KLHL13: variants seen among roughly 807,000 people sequenced by gnomAD.
KLHL13 encodes kelch-like protein 13.
A neutral mutation model predicts 37.1 loss-of-function variants in KLHL13; 10 were observed. The observed-to-expected ratio is 0.27, with a 90% CI of 0.17 to 0.46. The LOEUF (loss-of-function observed/expected upper bound fraction) is 0.46, where lower values mean the gene tolerates loss of function less well. Ranked by LOEUF, KLHL13 falls within the 20% of genes least tolerant of loss-of-function variation. KLHL13 has a pLI of 1.00. For missense variants in KLHL13, 360 were observed against 509.3 expected, an observed-to-expected ratio of 0.71 and a Z score of 2.82; for synonymous variants, 163 against 181.2, an observed-to-expected ratio of 0.90 and a Z score of 0.81.
chrX:118,001,175 T>G lies in KLHL13; in HGVS notation c.-55-55600A>C, dbSNP rs183732728. On this transcript the variant is annotated intron_variant, in intron 1 of 6. Transcript: ENST00000371882. ...AATATCCATAACAAACCAGCTTCCATGAACTAACTGGCATCTGGGAACCAC... is the reference window on the plus strand; with the variant it reads ...AATATCCATAACAAACCAGCTTCCAGGAACTAACTGGCATCTGGGAACCAC... Among the ~76,000 whole-genome samples the G allele has an allele frequency of 5.3e-3, 595 of 111,793 alleles. 3 individuals are homozygous for G. Among genetic ancestry groups the G allele is most frequent in the Non-Finnish European group, 9.0e-3 (478 of 53,123 alleles).
At chrX:117,973,168 T>A in exon 1 of KLHL13, 1 of 914,950 alleles carries the variant, frequency 1.1e-6, no homozygotes, top group Non-Finnish European at 1.4e-6. Flanking sequence ...TTTTTTTTTT[T>A]AAGCTTGCAA....
chrX:117,975,773 T>C (rs1314642816), upstream of KLHL13, among the ~76,000 whole-genome samples: 2 of 112,209 alleles, frequency 1.8e-5, no homozygotes, highest in Non-Finnish European at 3.8e-5. Flanking sequence ...TATCTGTCTA[T>C]GAAGACTTCT....
intron 1 of KLHL13, among the ~76,000 whole-genome samples, chrX:117,956,870 A>G (rs765045158): frequency 1.8e-5 from 2 of 112,179 alleles, no homozygotes; most frequent in African/African-American, 6.5e-5. Flanking sequence ...TCAAAATCCA[A>G]TCTTTTCATA....
At chrX:117,908,066 A>ATTATTTATTTATTTAT (rs78358758) in intron 5 of KLHL13, among the ~76,000 whole-genome samples, 3 of 99,219 alleles carry the variant, frequency 3.0e-5, no homozygotes, top group Non-Finnish European at 4.0e-5. Context: ...CTACAAGGAC[A>ATTATTTATTTATTTAT]TTATTTATTT....
chrX:118,028,866 C>T (rs961192776), intron 1 of KLHL13, among the ~76,000 whole-genome samples: 1 of 111,402 alleles, frequency 9.0e-6, no homozygotes, highest in African/African-American at 3.3e-5. Context: ...ATAAACAATT[C>T]ACATGTTTTT....
chrX:118,081,454 GTTT>G (rs869246700), intron 1 of KLHL13, among the ~76,000 whole-genome samples: 5 of 110,046 alleles, frequency 4.5e-5, no homozygotes, highest in Admixed American at 9.7e-5. Context: ...TTGATTTTTG[GTTT>G]TTTTTAACTG....
intron 1 of KLHL13, among the ~76,000 whole-genome samples, chrX:118,058,763 A>T (rs1477655903): frequency 1.8e-5 from 2 of 112,153 alleles, no homozygotes; most frequent in Non-Finnish European, 1.9e-5. Context: ...TATTAAGCCA[A>T]ACTATCCCTT....
chrX:118,089,490 C>A (rs1342523064), intron 1 of KLHL13, among the ~76,000 whole-genome samples: 1 of 107,226 alleles, frequency 9.3e-6, no homozygotes, highest in Non-Finnish European at 1.9e-5. Flanking sequence ...AGGCAGTGCC[C>A]TCCCTCCCCT....
upstream of KLHL13, among the ~76,000 whole-genome samples, chrX:117,974,636 C>G (rs778007326): frequency 1.4e-4 from 16 of 111,608 alleles, no homozygotes; most frequent in African/African-American, 4.9e-4. Flanking sequence ...CAAATGCCTT[C>G]CTTTTAAGAT....
At chrX:117,915,626 A>G (rs1417875161) in intron 4 of KLHL13, among the ~76,000 whole-genome samples, 3 of 112,268 alleles carry the variant, frequency 2.7e-5, no homozygotes, top group African/African-American at 9.7e-5. Flanking sequence ...TACAAACATA[A>G]AGTGATTTCT....
At chrX:118,000,464 A>G (rs772575153) in intron 1 of KLHL13, among the ~76,000 whole-genome samples, 1 of 112,519 alleles carries the variant, frequency 8.9e-6, no homozygotes, top group East Asian at 2.8e-4. Flanking sequence ...ATTATTGGCT[A>G]GGGATGAGTG....
At chrX:117,943,804 C>T (rs1933175666) in intron 2 of KLHL13, among the ~76,000 whole-genome samples, 1 of 109,676 alleles carries the variant, frequency 9.1e-6, no homozygotes, top group South Asian at 4.0e-4. Context: ...TTTGCTGTTA[C>T]CTACCTTCTA....
intron 1 of KLHL13, among the ~76,000 whole-genome samples, chrX:118,104,665 A>C (rs1000465548): frequency 1.1e-4 from 12 of 112,120 alleles, no homozygotes; most frequent in South Asian, 3.7e-4. Flanking sequence ...GCAGAAAAAC[A>C]GCATGAGGTC....
chrX:118,110,145 A>T (rs1207496263), intron 1 of KLHL13, among the ~76,000 whole-genome samples: 1 of 111,447 alleles, frequency 9.0e-6, no homozygotes, highest in Non-Finnish European at 1.9e-5. Context: ...GTGTTAGGAT[A>T]ATTAAAACCC....
chrX:118,071,262 G>A (rs2054860839), intron 1 of KLHL13, among the ~76,000 whole-genome samples: 2 of 111,465 alleles, frequency 1.8e-5, no homozygotes, highest in Admixed American at 1.9e-4. Flanking sequence ...AGTCCTTTGG[G>A]TATATACCCA....
At chrX:118,093,686 T>C (rs2055165769) in intron 1 of KLHL13, among the ~76,000 whole-genome samples, 1 of 111,525 alleles carries the variant, frequency 9.0e-6, no homozygotes, top group Non-Finnish European at 1.9e-5. Flanking sequence ...CTAAATTAAT[T>C]TTGTAACTTA....
chrX:118,100,156 C>G (rs2055272152), intron 1 of KLHL13, among the ~76,000 whole-genome samples: 1 of 111,619 alleles, frequency 9.0e-6, no homozygotes, highest in Non-Finnish European at 1.9e-5. Context: ...TGCCAAAATA[C>G]AGTATAACAT....
chrX:118,095,210 T>C (rs1329191063), intron 1 of KLHL13, among the ~76,000 whole-genome samples: 2 of 109,215 alleles, frequency 1.8e-5, no homozygotes, highest in Admixed American at 9.8e-5. Context: ...ACCAAGCAAA[T>C]GGAAAACAAA....
intron 2 of KLHL13, 28 bp from the exon 4 acceptor site, chrX:117,920,398 T>C: frequency 8.4e-7 from 1 of 1,190,263 alleles, no homozygotes; most frequent in Non-Finnish European, 1.1e-6. Context: ...GTTGAGTCAC[T>C]AATCAAGGTA....
Sources: allele counts gnomAD v4.1 joint callset (sites outside exome capture counted in the v4.1 genomes callset), GRCh38; gene constraint gnomAD v4.1.1; transcripts MANE v1.5; gene names NCBI Gene and HGNC (gene_info 2026-07-23, HGNC 2026-07-21).